The following GNAQ variants were observed in gnomAD, a reference collection of about 807,000 sequenced individuals.
GNAQ encodes G protein subunit alpha q, also known as guanine nucleotide-binding protein G(q) subunit alpha.
Under a neutral mutation model 43.9 loss-of-function variants are expected in GNAQ, and 8 were observed. The ratio of observed to expected loss-of-function variants is 0.18; its 90% CI spans 0.11 to 0.33. The LOEUF is 0.33. Ranked by LOEUF, GNAQ falls within the 10% of genes least tolerant of loss-of-function variation. The probability of loss-of-function intolerance (pLI) is 1.00; values close to 1 mark genes in which losing one functional copy is unlikely to be tolerated. For missense variants in GNAQ, 158 were observed against 450.8 expected, an observed-to-expected ratio of 0.35 and a Z score of 5.88; for synonymous variants, 155 against 170.7, an observed-to-expected ratio of 0.91 and a Z score of 0.71.
intron 2 of GNAQ, among the ~76,000 whole-genome samples, chr9:77,899,403 A>G (rs1314618584): frequency 6.6e-6 from 1 of 151,900 alleles, no homozygotes; most frequent in Admixed American, 6.6e-5. Flanking sequence ...GGTCTCATTC[A>G]CTAATGTGTG....
chr9:77,813,062 C>T (rs1587928172), intron 3 of GNAQ, among the ~76,000 whole-genome samples: 1 of 151,784 alleles, frequency 6.6e-6, no homozygotes, highest in East Asian at 2.0e-4. Context: ...ACAGGCGCAC[C>T]CCACCACGCC....
chr9:77,785,684 T>C (rs1826465676), intron 5 of GNAQ, among the ~76,000 whole-genome samples: 1 of 152,216 alleles, frequency 6.6e-6, no homozygotes, highest in African/African-American at 2.4e-5. Flanking sequence ...ATACTGTCAG[T>C]ATCTGACAGT....
chr9:77,841,160 C>CA (rs35833587), intron 2 of GNAQ, among the ~76,000 whole-genome samples: 122,394 of 152,086 alleles, frequency 0.8, 49,386 homozygotes, highest in Admixed American at 0.87. Flanking sequence ...AAAGAATTTT[C>CA]GTAATATTTT....
intron 6 of GNAQ, among the ~76,000 whole-genome samples, chr9:77,723,321 C>T (rs1299665548): frequency 6.6e-6 from 1 of 152,194 alleles, no homozygotes; most frequent in Admixed American, 6.5e-5. Context: ...GCTGTGAAAA[C>T]AGTTTGGTGG....
chr9:77,987,294 T>C (rs963824141), intron 1 of GNAQ, among the ~76,000 whole-genome samples: 1 of 152,128 alleles, frequency 6.6e-6, no homozygotes, highest in African/African-American at 2.4e-5. Context: ...TGAAAGCCTC[T>C]GGGTGCTTGC....
rs941764813 is a variant in GNAQ, at chr9:77,720,684, C to A, written c.*639G>T. On this transcript the variant is annotated 3_prime_UTR_variant, in exon 7 of 7. Coordinates refer to ENST00000286548, the MANE Select transcript of GNAQ (RefSeq NM_002072.5). ...CACTTAACTTTTAGATGGGCATCCA[C>A]TGTCCCAGTCCAAAGTGAGACAAGA... 2.1e-5 allele frequency: 5 copies of A among 233,146 alleles called. No homozygotes were observed. Among genetic ancestry groups the A allele is most frequent in the Admixed American group, 1.1e-4 (2 of 17,766 alleles). 14.4% of individuals were successfully genotyped at this position (233,146 alleles called of 1,614,324 possible).
intron 2 of GNAQ, among the ~76,000 whole-genome samples, chr9:77,903,055 G>C (rs1828637983): frequency 6.6e-6 from 1 of 152,098 alleles, no homozygotes; most frequent in Non-Finnish European, 1.5e-5. Context: ...GGTGAGCAAA[G>C]CCTGGAAGAA....
In GNAQ at chr9:77,890,654, C is replaced by T. The variant is rs537120766; in HGVS notation, c.321+31507G>A. On this transcript the variant is annotated intron_variant, in intron 2 of 6. Transcript: ENST00000286548. ...AGGAGAATCGCTTGAACCCAGGAGG[C>T]GGAGGTTGCGGTGAGCCGAGATCAC... is the stretch of plus-strand genomic sequence containing the variant. Among the ~76,000 whole-genome samples, 10 of 150,460 alleles carry T rather than the reference C, an allele frequency of 6.6e-5. No individual in the cohort carries two copies. The South Asian group carries it at 2.1e-3, about 32-fold the overall frequency.
intron 6 of GNAQ, among the ~76,000 whole-genome samples, chr9:77,724,203 T>C (rs1250011100): frequency 6.6e-6 from 1 of 152,158 alleles, no homozygotes; most frequent in Non-Finnish European, 1.5e-5. Context: ...ACTTTTTTTT[T>C]TCCTTGAGAC....
chr9:77,753,533 C>CGAAT (rs1453150032), intron 5 of GNAQ, among the ~76,000 whole-genome samples: 1 of 152,120 alleles, frequency 6.6e-6, no homozygotes, highest in Non-Finnish European at 1.5e-5. Context: ...AGTTAGTGAA[C>CGAAT]GAATAACCTT....
chr9:77,800,957 T>C (rs538452683), intron 3 of GNAQ, among the ~76,000 whole-genome samples: 1 of 152,214 alleles, frequency 6.6e-6, no homozygotes, highest in African/African-American at 2.4e-5. Context: ...ATATATTGCC[T>C]GATAAACCAT....
At chr9:77,921,771 T>C (rs1251109568) in intron 2 of GNAQ, among the ~76,000 whole-genome samples, 1 of 152,196 alleles carries the variant, frequency 6.6e-6, no homozygotes, top group Non-Finnish European at 1.5e-5. Flanking sequence ...TCACTCTTTT[T>C]TCAATGTATT....
At chr9:77,946,619 G>A (rs1259062543) in intron 1 of GNAQ, among the ~76,000 whole-genome samples, 3 of 152,124 alleles carry the variant, frequency 2.0e-5, no homozygotes, top group Non-Finnish European at 2.9e-5. Context: ...AATAGGCAAT[G>A]CAGAATAAGA....
At chr9:77,874,042 T>C (rs916434318) in intron 2 of GNAQ, among the ~76,000 whole-genome samples, 12 of 149,352 alleles carry the variant, frequency 8.0e-5, no homozygotes, top group South Asian at 2.1e-4. Context: ...GAGGTAGAGG[T>C]TGCAGTGAGC....
intron 2 of GNAQ, among the ~76,000 whole-genome samples, chr9:77,826,418 G>A (rs1336380110): frequency 6.6e-6 from 1 of 152,150 alleles, no homozygotes; most frequent in Non-Finnish European, 1.5e-5. Flanking sequence ...TCAGCTTCCT[G>A]GCTAGAATCC....
rs1054939402 is a variant in GNAQ at position 78,031,806 on chromosome 9, G to C, written c.-571C>G. Among the ~76,000 whole-genome samples, 11 of 148,340 alleles carry C rather than the reference G, an allele frequency of 7.4e-5. No homozygotes were observed. The highest frequency in any genetic ancestry group is 1.3e-4 in the Admixed American group (2 of 14,962). ...CGCAGACCCGGTTCCCGTCCCGCCCGGCAACCGCGCGCTCCTCCGCCTCCG... is the reference window on the plus strand; with the variant it reads ...CGCAGACCCGGTTCCCGTCCCGCCCCGCAACCGCGCGCTCCTCCGCCTCCG... On this transcript the variant is annotated 5_prime_UTR_variant, in exon 1 of 7. Transcript: ENST00000286548.
At chr9:77,781,468 CCTT>C (rs1826392071) in intron 5 of GNAQ, among the ~76,000 whole-genome samples, 1 of 151,960 alleles carries the variant, frequency 6.6e-6, no homozygotes, top group Non-Finnish European at 1.5e-5. Flanking sequence ...ATCTACAATT[CCTT>C]TAAGAAGATA....
intron 5 of GNAQ, among the ~76,000 whole-genome samples, chr9:77,767,645 G>A (rs1826157916): frequency 6.6e-6 from 1 of 152,200 alleles, no homozygotes; most frequent in Non-Finnish European, 1.5e-5. Flanking sequence ...AATGGGATGA[G>A]ACTATTGATA....
At chr9:77,934,601 T>C (rs1354713405) in intron 1 of GNAQ, among the ~76,000 whole-genome samples, 1 of 152,198 alleles carries the variant, frequency 6.6e-6, no homozygotes, top group Non-Finnish European at 1.5e-5. Context: ...GAACATGGCA[T>C]GCTTTCTGGG....
Sources: allele counts gnomAD v4.1 joint callset (sites outside exome capture counted in the v4.1 genomes callset), GRCh38; gene constraint gnomAD v4.1.1; transcripts MANE v1.5; gene names NCBI Gene and HGNC (gene_info 2026-07-23, HGNC 2026-07-21).